Variants in HSPG2 observed in about 807,000 individuals in gnomAD.
HSPG2 encodes basement membrane-specific heparan sulfate proteoglycan core protein.
HSPG2 carries 278 observed loss-of-function variants against 526.6 expected under a neutral mutation model. That is an observed-to-expected ratio of 0.53 (90% confidence interval 0.48 to 0.58). HSPG2 has a LOEUF of 0.58. Among genes scored for constraint, HSPG2 ranks in the 20% least tolerant of loss-of-function variants. HSPG2 has a pLI of 0.00. For missense variants in HSPG2, 5,354 were observed against 6,099.5 expected (o/e 0.88, Z 4.07); for synonymous variants, 2,465 against 2,555.4 (o/e 0.96, Z 1.07).
chr1:21,909,314 T>G (rs1369339494), intron 1 of HSPG2, among the ~76,000 whole-genome samples: 2 of 151,906 alleles, frequency 1.3e-5, no homozygotes, highest in Non-Finnish European at 2.9e-5. Flanking sequence ...TAAGAAAAAC[T>G]CAGGCAGGGC....
chr1:21,854,630 C>A lies in HSPG2; in HGVS notation c.6269G>T (p.Ser2090Ile). 1 of 1,573,760 alleles carries A rather than the reference C, an allele frequency of 6.4e-7. No homozygotes were observed. The highest frequency in any genetic ancestry group is 8.6e-7 in the Non-Finnish European group (1 of 1,158,108). ...ACATACCTGGGTGTGGGGAGGCAGG[C>A]TACCCCCTCGCCTGTACCAGGTGAC... Reference protein sequence around the residue: ...AQVTWYRRGGSLPPHTQVHGS... With the variant: ...AQVTWYRRGGILPPHTQVHGS... The change falls in exon 49 of 97, where the codon AGC becomes ATC. Residue 2090 changes from serine (S) to isoleucine (I), a missense_variant. By Grantham distance (142) the Ser-to-Ile change is moderately radical. Coordinates refer to ENST00000374695, the MANE Select transcript of HSPG2 (RefSeq NM_005529.7).
chr1:21,917,441 A>G (rs776596021), intron 1 of HSPG2, among the ~76,000 whole-genome samples: 9 of 47,306 alleles, frequency 1.9e-4, no homozygotes, highest in South Asian at 6.2e-4. Context: ...TCAAAAGTAA[A>G]TAAATAAATA....
intron 16 of HSPG2, 51 bp from the exon 17 acceptor site, chr1:21,880,305 G>C: frequency 2.5e-6 from 4 of 1,613,930 alleles, no homozygotes; most frequent in Non-Finnish European, 3.4e-6. Context: ...AGGCCCTGCC[G>C]TTTCTCCTCT....
Position 21,872,037 on chromosome 1 carries a change from G to C in HSPG2, c.4221+149C>G. ...CTGGCTGGCAAGCGGCAGAGCTGGG[G>C]TTCAGACCAATGTCTATGGGACTGC... is the stretch of plus-strand genomic sequence containing the variant. On this transcript the variant is annotated intron_variant, in intron 33 of 96. Transcript: ENST00000374695. This position sits in a 1 kb window ranked among gnomAD's most constrained non-coding sequence, Gnocchi z 5.5. The C allele has an allele frequency of 5.2e-6, 4 of 775,364 alleles. No individual in the cohort carries two copies. The highest frequency in any genetic ancestry group is 8.7e-6 in the Non-Finnish European group (4 of 460,400). The allele number at this position is 775,364 out of a possible 1,614,324, so 48.0% of individuals were successfully genotyped here. A position where few individuals can be genotyped will look rare whatever the true frequency, so the allele number is the denominator to read the frequency against.
intron 1 of HSPG2, among the ~76,000 whole-genome samples, chr1:21,926,968 G>T (rs990225286): frequency 6.6e-6 from 1 of 152,122 alleles, no homozygotes; most frequent in South Asian, 2.1e-4. Flanking sequence ...TTAGGAGGGG[G>T]AGGCCAGGAC....
chr1:21,823,822 G>T (rs369986175), intron 95 of HSPG2, 103 bp from the exon 96 acceptor site: 1 of 895,752 alleles, frequency 1.1e-6, no homozygotes, highest in Admixed American at 1.9e-5. Context: ...AGACTCAGAA[G>T]TCTGTCCCTG....
chr1:21,937,303 G>C lies in HSPG2; in HGVS notation c.-86C>G, dbSNP rs1480458269. On this transcript the variant is annotated 5_prime_UTR_variant, in exon 1 of 97. Coordinates refer to ENST00000374695, the MANE Select transcript of HSPG2 (RefSeq NM_005529.7). ...CAGCCGCCCGCTCGCCGGCCAGCTCGGGACAGCGCGGCCCTCTCCCCACCG... is the reference window on the plus strand; with the variant it reads ...CAGCCGCCCGCTCGCCGGCCAGCTCCGGACAGCGCGGCCCTCTCCCCACCG... 60 of 331,340 alleles carry C rather than the reference G, an allele frequency of 1.8e-4. 1 individual carries two copies. Among genetic ancestry groups the C allele is most frequent in the Middle Eastern group, 1.7e-3 (1 of 578 alleles). The allele number at this position is 331,340 out of a possible 1,614,324, so 20.5% of individuals were successfully genotyped here. A position where few individuals can be genotyped will look rare whatever the true frequency, so the allele number is the denominator to read the frequency against.
In HSPG2 at chr1:21,859,140, C is replaced by G. The variant is rs143696099; in HGVS notation, c.5293+426G>C. On this transcript the variant is annotated intron_variant, in intron 42 of 96. Transcript: ENST00000374695. This position sits in a 1 kb window ranked among gnomAD's most constrained non-coding sequence, Gnocchi z 5.3. ...TTGGCTCACTGCAACCTCCACCTCC[C>G]GGGTTCAAGCAATTCTCCTGCCTCA... is the stretch of plus-strand genomic sequence containing the variant. 2.0e-5 allele frequency among the ~76,000 whole-genome samples: 3 copies of G among 152,142 alleles called. No individual in the cohort carries two copies. The highest frequency in any genetic ancestry group is 7.2e-5 in the African/African-American group (3 of 41,510).
intron 81 of HSPG2, 45 bp from the exon 82 acceptor site, chr1:21,831,841 T>C: frequency 1.3e-6 from 2 of 1,550,078 alleles, no homozygotes; most frequent in Non-Finnish European, 1.7e-6. Flanking sequence ...GGATAGGGGG[T>C]TTGTAAGAAG....
rs750738902 is a variant in HSPG2, at chr1:21,850,417, C to T, written c.7240G>A (p.Val2414Met). Residue 2414 changes from valine (V) to methionine (M), a missense_variant, in exon 56 of 97, where the codon GTG becomes ATG. Transcript: ENST00000374695. ...ACCAGGACAGAGGCCTCTAGAGGCA[C>T]GGAGCTGCCCAACACTCGGCACACG... ...EYVCRVLGSS[V>M]PLEASVLVTI... The T allele has an allele frequency of 1.7e-5, 28 of 1,611,626 alleles. No individual in the cohort carries two copies. Among genetic ancestry groups the T allele is most frequent in the Middle Eastern group, 1.6e-4 (1 of 6,066 alleles).
intron 9 of HSPG2, among the ~76,000 whole-genome samples, chr1:21,886,589 T>TGACAG (rs1284868570): frequency 6.6e-6 from 1 of 151,844 alleles, no homozygotes; most frequent in Non-Finnish European, 1.5e-5. Context: ...CTCTCCAGCC[T>TGACAG]CCCCCTCCTA....
chr1:21,880,525 T>A lies in HSPG2; in HGVS notation c.2033A>T (p.Gln678Leu), dbSNP rs968510228. 3 of 1,613,590 alleles carry A rather than the reference T, an allele frequency of 1.9e-6. No homozygotes were observed. The highest frequency in any genetic ancestry group is 2.5e-6 in the Non-Finnish European group (3 of 1,179,976). ...HWVHESGRPV[Q>L]RAELLQVLQS... The stretch of plus-strand genomic sequence containing the variant: ...CAGCACCTGCAGCAGCTCCGCGCGC[T>A]GCACCGGCCGGCCAGACTCATGGAC... The change falls in exon 16 of 97, where the codon CAG (glutamine) becomes CTG (leucine). Residue 678 changes from glutamine (Q) to leucine (L), a missense_variant. Transcript: ENST00000374695.
intron 10 of HSPG2, 38 bp from the exon 11 acceptor site, chr1:21,885,195 A>G (rs750162128): frequency 3.1e-6 from 5 of 1,600,620 alleles, no homozygotes; most frequent in African/African-American, 1.3e-5. Context: ...GTCGGGGGCA[A>G]AGGAAGGAGG....
At chr1:21,849,970 G>A (rs968945772) in intron 57 of HSPG2, 71 bp downstream of exon 57, 127 of 1,587,976 alleles carry the variant, frequency 8.0e-5, no homozygotes, top group Non-Finnish European at 1.1e-4. Flanking sequence ...GAGCCACTGC[G>A]CCCGGTCAAG....
intron 71 of HSPG2, 46 bp from the exon 72 acceptor site, chr1:21,840,063 C>A (rs763748757): frequency 6.5e-7 from 1 of 1,541,760 alleles, no homozygotes; most frequent in Admixed American, 1.7e-5. Flanking sequence ...TCAGTGGGGA[C>A]GCTGATGTCA....
In HSPG2 at chr1:21,828,060, G is replaced by C; in HGVS notation, c.12502C>G (p.Pro4168Ala). The change falls in exon 90 of 97, where the codon CCT becomes GCT. Residue 4168 changes from proline (P) to alanine (A), a missense_variant. By Grantham distance (27) the Pro-to-Ala change is conservative (BLOSUM62 -1). Coordinates refer to ENST00000374695, the MANE Select transcript of HSPG2 (RefSeq NM_005529.7). The surrounding 1 kb of genome is among the most constrained non-coding windows in gnomAD (Gnocchi z 6.0). ...TGGCAGCGTGGGCCAGAGAAGCCAG[G>C]GAGGCAGAGGCAGCGGGTGCCCTGG... ...TCQGTRCLCL[P>A]GFSGPRCQQG... 3 of 1,613,644 alleles carry C rather than the reference G, an allele frequency of 1.9e-6. No homozygotes were observed. The highest frequency in any genetic ancestry group is 2.5e-6 in the Non-Finnish European group (3 of 1,180,006).
At chr1:21,899,871 T>C (rs1441308307) in intron 1 of HSPG2, among the ~76,000 whole-genome samples, 1 of 152,224 alleles carries the variant, frequency 6.6e-6, no homozygotes, top group African/African-American at 2.4e-5. Context: ...GCTGGACCTC[T>C]GGGCTGGCCA....
intron 6 of HSPG2, 49 bp from the exon 7 acceptor site, chr1:21,888,115 G>A (rs757026725): frequency 1.2e-6 from 2 of 1,610,558 alleles, no homozygotes; most frequent in South Asian, 1.1e-5. Context: ...CAGGAGGCAG[G>A]TGCGGGAAGC....
chr1:21,851,456 C>T lies in HSPG2; in HGVS notation c.7158+90G>A, dbSNP rs1426575562. The T allele has an allele frequency of 3.2e-6, 5 of 1,586,654 alleles. No homozygotes were observed. The South Asian group carries it at 3.3e-5, about 11-fold the overall frequency. ...GCAATGGGGTCCAGGGCTTCCTGAT[C>T]TCAGGGGAGCCTCTAGCCCTCCCCC... On this transcript the variant is annotated intron_variant, in intron 55 of 96. Transcript: ENST00000374695.
Sources: gnomAD v4.1 joint callset for allele counts (sites outside exome capture counted in the v4.1 genomes callset) on GRCh38, gnomAD v4.1.1 for gene constraint, Gnocchi (gnomAD v3.1) non-coding constraint, MANE v1.5 for transcripts, NCBI Gene and HGNC (gene_info 2026-07-23, HGNC 2026-07-21) for gene names.